TG: variants seen among roughly 807,000 people sequenced by gnomAD.
The protein encoded by TG is thyroid hormones.
TG carries 270 observed loss-of-function variants against 324.7 expected under a neutral mutation model. The observed-to-expected ratio is 0.83, with a 90% CI of 0.75 to 0.92. The LOEUF (loss-of-function observed/expected upper bound fraction) is 0.92, where lower values mean the gene tolerates loss of function less well. TG is among the 40% of genes least tolerant of loss of function. TG has a pLI of 0.00. For missense variants in TG, 3,591 were observed against 3,456.4 expected (o/e 1.04, Z -0.98); for synonymous variants, 1,401 against 1,327.0 (o/e 1.06, Z -1.21).
At chr8:133,022,482 C>T (rs1487500588) in intron 40 of TG, among the ~76,000 whole-genome samples, 1 of 152,164 alleles carries the variant, frequency 6.6e-6, no homozygotes, top group Non-Finnish European at 1.5e-5. Context: ...TAAGACTATA[C>T]AGTCAGGGAA....
Position 132,869,776 on chromosome 8 carries a change from C to T in TG, c.224C>T (p.Ala75Val). Residue 75 changes from alanine to valine, a missense_variant, in exon 3 of 48, where the codon GCC (alanine) becomes GTC (valine). By Grantham distance (64) the Ala-to-Val change is moderately conservative (BLOSUM62 0). Transcript: ENST00000220616. Reference sequence around the variant, plus strand: ...GGCCGCTCCTGCTGGTGTGTGGGTGCCAACGGCAGTGAAGTGCTGGGCAGC... The same window carrying T: ...GGCCGCTCCTGCTGGTGTGTGGGTGTCAACGGCAGTGAAGTGCTGGGCAGC... ...NDGRSCWCVG[A>V]NGSEVLGSRQ... The T allele has an allele frequency of 6.2e-7, 1 of 1,614,126 alleles. No homozygotes were observed. The highest frequency in any genetic ancestry group is 8.5e-7 in the Non-Finnish European group (1 of 1,180,028).
At chr8:133,012,130 C>A in intron 36 of TG, 95 bp downstream of exon 36, 1 of 1,550,628 alleles carries the variant, frequency 6.4e-7, no homozygotes, top group Non-Finnish European at 8.9e-7. Flanking sequence ...TGAGACACTA[C>A]GATAACCTAG....
At chr8:133,102,875 C>T (rs1019931246) in intron 43 of TG, 3 of 335,768 alleles carry the variant, frequency 8.9e-6, no homozygotes, top group African/African-American at 6.4e-5. Context: ...TTGGCCTCGT[C>T]TGGGAGCAGG....
At chr8:132,992,346 C>T (rs974039981) in intron 35 of TG, among the ~76,000 whole-genome samples, 1 of 152,096 alleles carries the variant, frequency 6.6e-6, no homozygotes, top group Admixed American at 6.6e-5. Flanking sequence ...GGCCTTCTGG[C>T]CGGAGGACAA....
At chr8:132,921,514 T>A (rs1821110470) in intron 21 of TG, among the ~76,000 whole-genome samples, 2 of 152,222 alleles carry the variant, frequency 1.3e-5, no homozygotes, top group Non-Finnish European at 2.9e-5. Flanking sequence ...GCCTGTGTTC[T>A]TAGATGGAAT....
intron 10 of TG, among the ~76,000 whole-genome samples, chr8:132,889,836 G>A (rs1171693275): frequency 1.3e-5 from 2 of 152,274 alleles, no homozygotes; most frequent in African/African-American, 4.8e-5. Flanking sequence ...GAGTGCAATG[G>A]AGCGATCTCA....
chr8:133,128,910 G>T (rs1851745257), intron 45 of TG, among the ~76,000 whole-genome samples: 1 of 152,166 alleles, frequency 6.6e-6, no homozygotes, highest in Admixed American at 6.5e-5. Flanking sequence ...CACGTGAACT[G>T]CCTACCCCAA....
chr8:132,889,136 T>C (rs1233301352), intron 10 of TG, among the ~76,000 whole-genome samples: 1 of 152,170 alleles, frequency 6.6e-6, no homozygotes, highest in Non-Finnish European at 1.5e-5. Context: ...GGCAGACTTA[T>C]GGGAAAGCTA....
At chr8:133,010,217 A>G (rs1333771639) in intron 35 of TG, among the ~76,000 whole-genome samples, 2 of 152,170 alleles carry the variant, frequency 1.3e-5, no homozygotes, top group Non-Finnish European at 2.9e-5. Flanking sequence ...GAAAAATGTC[A>G]TATAACTTCT....
chr8:133,063,020 G>A (rs2131351339), intron 41 of TG, among the ~76,000 whole-genome samples: 1 of 152,316 alleles, frequency 6.6e-6, no homozygotes, highest in South Asian at 2.1e-4. Context: ...CAGCCTCCTT[G>A]TCTATCATCA....
chr8:133,020,909 CT>C (rs1045378119), intron 39 of TG, among the ~76,000 whole-genome samples: 1 of 152,188 alleles, frequency 6.6e-6, no homozygotes, highest in Admixed American at 6.5e-5. Context: ...GTAGAAACAT[CT>C]GTGTGTCTGT....
chr8:132,934,368 T>C (rs753915265), intron 24 of TG, among the ~76,000 whole-genome samples: 17 of 152,048 alleles, frequency 1.1e-4, no homozygotes, highest in Non-Finnish European at 1.9e-4. Context: ...AATTGTGGCT[T>C]AAAAAGGAAA....
chr8:132,972,220 A>C (rs1431518545), intron 33 of TG: 3 of 449,394 alleles, frequency 6.7e-6, no homozygotes, highest in Non-Finnish European at 1.2e-5. Flanking sequence ...TTCCCTTACT[A>C]GTGTGTGATT....
rs754623645 is a variant in TG at position 133,030,004 on chromosome 8, T to G, written c.7220T>G (p.Phe2407Cys). The G allele has an allele frequency of 6.2e-7, 1 of 1,614,084 alleles. No individual in the cohort carries two copies. Among genetic ancestry groups the G allele is most frequent in the Non-Finnish European group, 8.5e-7 (1 of 1,180,052 alleles). ...GCCAGGGCCACCAACTCCCAACTTT[T>G]CCGGAGAGCTGTGCTGATGGTAAGT... ...LTARATNSQLFRRAVLMGGSA... is the reference protein window; with the variant it reads ...LTARATNSQLCRRAVLMGGSA... The change falls in exon 41 of 48, where the codon TTC (phenylalanine) becomes TGC (cysteine). Residue 2407 changes from phenylalanine to cysteine, a missense_variant. By Grantham distance (205) the Phe-to-Cys change is radical. Coordinates refer to ENST00000220616, the MANE Select transcript of TG (RefSeq NM_003235.5).
Position 132,873,082 on chromosome 8 carries a change from A to T in TG, c.499A>T (p.Arg167Ter). The T allele has an allele frequency of 6.2e-7, 1 of 1,614,232 alleles. No individual in the cohort carries two copies. Among genetic ancestry groups the T allele is most frequent in the Non-Finnish European group, 8.5e-7 (1 of 1,180,044 alleles). ...TTTAGGTCCAAGGAGCTGTGAAATA[A>T]GAAATCGTCGTCTTCTCCACGGGGT... is the stretch of plus-strand genomic sequence containing the variant. ...PKRCPRSCEIRNRRLLHGVGD... is the reference protein window; with the variant it reads ...PKRCPRSCEI Residue 167 changes from arginine to a stop codon, truncating the protein, a stop_gained, in exon 5 of 48, where the codon AGA becomes TGA. Transcript: ENST00000220616. LOFTEE classifies it high-confidence loss of function.
In TG at chr8:132,886,904, A is replaced by G. The variant is rs192077055; in HGVS notation, c.1532A>G (p.Asn511Ser). The change falls in exon 9 of 48, where the codon AAT becomes AGT. Residue 511 changes from asparagine to serine, a missense_variant. Asn to Ser is a conservative substitution (Grantham distance 46). Transcript: ENST00000220616. ...FQQLGLASFLNGGRQEDLAKP... is the reference protein window; with the variant it reads ...FQQLGLASFLSGGRQEDLAKP... ...CAACTTGGTCTTGCAAGCTTCTTGAATGGAGGGAGACAAGAAGATTTGGCC... is the reference window on the plus strand; with the variant it reads ...CAACTTGGTCTTGCAAGCTTCTTGAGTGGAGGGAGACAAGAAGATTTGGCC... 9.3e-6 allele frequency: 15 copies of G among 1,614,160 alleles called. No individual in the cohort carries two copies. The East Asian group carries it at 2.9e-4, about 31-fold the overall frequency.
intron 41 of TG, chr8:133,046,600 G>A (rs1301048915): frequency 2.0e-5 from 3 of 152,248 alleles, no homozygotes; most frequent in Non-Finnish European, 1.5e-5. Flanking sequence ...ACATCTGCCT[G>A]ATGACATCGT....
chr8:132,887,613 A>G (rs558848682), intron 9 of TG, 65 bp downstream of exon 9: 1 of 1,605,744 alleles, frequency 6.2e-7, no homozygotes, highest in East Asian at 2.2e-5. Context: ...GACCCAATGC[A>G]GTACAGTAAT....
At position 132,967,926 on chromosome 8, in the gene TG, G is replaced by A. The variant is rs373545363; in HGVS notation, c.5819G>A (p.Arg1940Lys). Residue 1940 changes from arginine to lysine, a missense_variant, in exon 31 of 48, where the codon AGA becomes AAA. Arg to Lys is a conservative substitution (Grantham distance 26). Transcript: ENST00000220616. ...DIMESNAQGC[R>K]LILPQMPKAL... is the part of the protein sequence containing the mutation. ...ATGGAGTCCAATGCCCAGGGCTGCA[G>A]ACTGATCCTGCCTCAGATGCCAAAG... The A allele has an allele frequency of 5.0e-6, 8 of 1,613,910 alleles. No individual in the cohort carries two copies. The African/African-American group carries it at 9.3e-5, about 19-fold the overall frequency.
Sources: gnomAD v4.1 joint callset for allele counts (sites outside exome capture counted in the v4.1 genomes callset) on GRCh38, gnomAD v4.1.1 for gene constraint, MANE v1.5 for transcripts, NCBI Gene and HGNC (gene_info 2026-07-23, HGNC 2026-07-21) for gene names.